The following CHD8 variants were observed in gnomAD, a reference collection of about 807,000 sequenced individuals.
CHD8 encodes ATP-dependent chromatin remodeler CHD8.
CHD8 carries 31 observed loss-of-function variants against 279.2 expected under a neutral mutation model. The ratio of observed to expected loss-of-function variants is 0.11; its 90% CI spans 0.08 to 0.15. The LOEUF (loss-of-function observed/expected upper bound fraction) is 0.15. CHD8 is among the 10% of genes least tolerant of loss of function. CHD8 has a pLI of 1.00. For missense variants in CHD8, 2,146 were observed against 3,230.5 expected, an observed-to-expected ratio of 0.66 and a Z score of 8.14; for synonymous variants, 1,081 against 1,139.6, an observed-to-expected ratio of 0.95 and a Z score of 1.04.
In CHD8 at chr14:21,431,801, T is replaced by C. The variant is rs1594380614; in HGVS notation, c.-158A>G. 2.5e-6 allele frequency: 4 copies of C among 1,613,640 alleles called. No homozygotes were observed. The Middle Eastern group carries it at 4.9e-4, about 200-fold the overall frequency. ...AGGCAAGAAACAAGTGCATGTCAGATTGTCCTGACCTTCATGGAGCAAGAT... is the reference window on the plus strand; with the variant it reads ...AGGCAAGAAACAAGTGCATGTCAGACTGTCCTGACCTTCATGGAGCAAGAT... On this transcript the variant is annotated 5_prime_UTR_variant, in exon 2 of 38. Transcript: ENST00000646647.
chr14:21,433,925 T>A (rs1044623926), intron 1 of CHD8, among the ~76,000 whole-genome samples: 3 of 152,104 alleles, frequency 2.0e-5, no homozygotes, highest in African/African-American at 7.2e-5. Context: ...CCCATTATCA[T>A]CAGCTTTTTT....
chr14:21,427,600 C>G, intron 4 of CHD8: 2 of 1,442,504 alleles, frequency 1.4e-6, no homozygotes, highest in South Asian at 3.3e-5. Context: ...GGAGCACTCA[C>G]TTGAGCTTGC....
At chr14:21,386,680 G>T (rs1003485051) in intron 37 of CHD8, among the ~76,000 whole-genome samples, 9 of 152,130 alleles carry the variant, frequency 5.9e-5, no homozygotes, top group Middle Eastern at 3.4e-3. Flanking sequence ...TACTAAAAAT[G>T]CAAAAAATTA....
intron 28 of CHD8, 192 bp downstream of exon 28, chr14:21,395,625 T>A: frequency 1.7e-6 from 1 of 598,550 alleles, no homozygotes; most frequent in Non-Finnish European, 3.0e-6. Context: ...AGCTCCTCCA[T>A]AAAGTTATCC....
At chr14:21,395,391 G>C (rs772082544) in intron 28 of CHD8, 39 bp from the exon 29 acceptor site, 1 of 1,431,552 alleles carries the variant, frequency 7.0e-7, no homozygotes, top group Non-Finnish European at 9.7e-7. Context: ...GGAGCGGGGA[G>C]GGAAAGGGGG....
chr14:21,428,526 C>T (rs888638236), intron 3 of CHD8, among the ~76,000 whole-genome samples: 2 of 152,114 alleles, frequency 1.3e-5, no homozygotes, highest in African/African-American at 2.4e-5. Context: ...AGAAAAATTA[C>T]AACTAATATA....
At chr14:21,388,627 TAC>T (rs1887386891) in intron 37 of CHD8, among the ~76,000 whole-genome samples, 2 of 152,096 alleles carry the variant, frequency 1.3e-5, no homozygotes, top group Non-Finnish European at 2.9e-5. Context: ...ACATAGCTGA[TAC>T]TAGAGGACTG....
chr14:21,414,886 T>G (rs1159251185), intron 8 of CHD8, 52 bp downstream of exon 8: 2 of 1,455,842 alleles, frequency 1.4e-6, no homozygotes. Context: ...AGGAGAACTT[T>G]TTACCACCCT....
At position 21,394,129 on chromosome 14, in the gene CHD8, C is replaced by T. The variant is rs777867742; in HGVS notation, c.5666G>A (p.Arg1889His). Residue 1889 changes from arginine to histidine, a missense_variant, in exon 32 of 38, where the codon CGT becomes CAT. Arg to His is a conservative substitution (Grantham distance 29). Around this residue, in one of 26 missense-constraint regions of CHD8, gnomAD observed 513 missense variants for 637.6 expected, o/e 0.80. Transcript: ENST00000646647. ...TEERASRTLY[R>H]IELLRRLREQ... Reference sequence around the variant, plus strand: ...CCGTAAGCGCCGAAGCAATTCTATACGGTAGAGAGTCCGTGAGGCTCTCTC... The same window carrying T: ...CCGTAAGCGCCGAAGCAATTCTATATGGTAGAGAGTCCGTGAGGCTCTCTC... The T allele has an allele frequency of 3.0e-5, 48 of 1,612,148 alleles. No individual in the cohort carries two copies. Among genetic ancestry groups the T allele is most frequent in the Middle Eastern group, 1.6e-4 (1 of 6,080 alleles).
At position 21,403,892 on chromosome 14, in the gene CHD8, A is replaced by G. The variant is rs2139470946; in HGVS notation, c.3308-229T>C. ...GGCAGGTGGATCACTTGAGGTCAGG[A>G]GTTCGAGACCAGTCTGGCCAACATG... On this transcript the variant is annotated intron_variant, in intron 16 of 37. Transcript: ENST00000646647. This position sits in a 1 kb window ranked among gnomAD's most constrained non-coding sequence, Gnocchi z 4.3. Among the ~76,000 whole-genome samples, 1 of 152,314 alleles carries G rather than the reference A, an allele frequency of 6.6e-6. No individual in the cohort carries two copies. The highest frequency in any genetic ancestry group is 1.5e-5 in the Non-Finnish European group (1 of 68,030).
chr14:21,429,479 C>G, intron 2 of CHD8, 144 bp from the exon 3 acceptor site: 2 of 880,732 alleles, frequency 2.3e-6, no homozygotes, highest in Non-Finnish European at 3.8e-6. Context: ...ATCATCCTAT[C>G]TGTCTTGATG....
chr14:21,405,538 G>T lies in CHD8; in HGVS notation c.3052-74C>A, dbSNP rs1314881449. ...CATTCTCACATTATGTAGAAACATG[G>T]AAAAATTAGAGTTTTCCACTATCTA... is the stretch of plus-strand genomic sequence containing the variant. On this transcript the variant is annotated intron_variant, in intron 15 of 37. Transcript: ENST00000646647. The surrounding 1 kb of genome is among the most constrained non-coding windows in gnomAD (Gnocchi z 4.2). 6.5e-7 allele frequency: 1 copy of T among 1,542,170 alleles called. No individual in the cohort carries two copies. The highest frequency in any genetic ancestry group is 8.7e-7 in the Non-Finnish European group (1 of 1,144,878).
chr14:21,400,159 C>T lies in CHD8; in HGVS notation c.4719G>A (p.Gln1573=), dbSNP rs766569419. The part of the protein sequence containing the change: ...DESYKKHLKH[Q]CNKVLLRVRM... ...GCTAATTCTATGCTTACTTGTTACA[C>T]TGATGTTTCAAGTGCTTCTTATAAC... The change falls in exon 24 of 38, where the codon CAG becomes CAA. Residue 1573 remains glutamine (Q), a synonymous_variant. Transcript: ENST00000646647. This position sits in a 1 kb window ranked among gnomAD's most constrained non-coding sequence, Gnocchi z 4.2. 1 of 1,613,890 alleles carries T rather than the reference C, an allele frequency of 6.2e-7. No individual in the cohort carries two copies. The highest frequency in any genetic ancestry group is 1.1e-5 in the South Asian group (1 of 91,088).
In CHD8 at chr14:21,436,885, G is replaced by A. The variant is rs975217632; in HGVS notation, c.-215-5027C>T. On this transcript the variant is annotated intron_variant, in intron 1 of 37. Coordinates refer to ENST00000646647, the MANE Select transcript of CHD8 (RefSeq NM_001170629.2). Reference sequence around the variant, plus strand: ...ACGCGACTGGGGTGGGGGTGGGGGGGACCCGGGTACATTACCTGCTCATAC... The same window carrying A: ...ACGCGACTGGGGTGGGGGTGGGGGGAACCCGGGTACATTACCTGCTCATAC... 4 of 997,930 alleles carry A rather than the reference G, an allele frequency of 4.0e-6. No individual in the cohort carries two copies. In the African/African-American group the frequency reaches 5.3e-5, roughly 13 times the overall value. 61.8% of individuals were successfully genotyped at this position (997,930 alleles called of 1,614,324 possible).
At chr14:21,432,651 G>A (rs975007114) in intron 1 of CHD8, among the ~76,000 whole-genome samples, 1 of 152,026 alleles carries the variant, frequency 6.6e-6, no homozygotes, top group African/African-American at 2.4e-5. Flanking sequence ...TGTGCTTTCT[G>A]CCTGGAACAC....
Position 21,407,003 on chromosome 14 carries a change from A to G in CHD8, c.2760T>C (p.Phe920=). 6.3e-7 allele frequency: 1 copy of G among 1,596,080 alleles called. No homozygotes were observed. Among genetic ancestry groups the G allele is most frequent in the Non-Finnish European group, 8.5e-7 (1 of 1,170,728 alleles). ...RGRLIPGAYK[F]DALITTFEMI... ...TCTCAAAAGTGGTGATCAGAGCGTC[A>G]AACTTGTATGCGCCTGGGATGAGGC... The change falls in exon 14 of 38, where the codon TTT becomes TTC. Residue 920 remains phenylalanine (F), a synonymous_variant. Coordinates refer to ENST00000646647, the MANE Select transcript of CHD8 (RefSeq NM_001170629.2).
At chr14:21,406,472 C>T (rs1337436152) in intron 14 of CHD8, among the ~76,000 whole-genome samples, 1 of 152,196 alleles carries the variant, frequency 6.6e-6, no homozygotes, top group Non-Finnish European at 1.5e-5. Context: ...TAAAAACCAG[C>T]ATCAACTGCC....
Position 21,401,974 on chromosome 14 carries a change from C to T in CHD8, c.4045G>A (p.Gly1349Ser). 1 of 1,612,820 alleles carries T rather than the reference C, an allele frequency of 6.2e-7. No homozygotes were observed. The highest frequency in any genetic ancestry group is 8.5e-7 in the Non-Finnish European group (1 of 1,179,636). The part of the protein sequence containing the change: ...TTITIESEGK[G>S]STFAKASFVA... The stretch of plus-strand genomic sequence containing the variant: ...GAACATGCCTTAGCAAAGGTGGAAC[C>T]TTTTCCTTCAGATTCAATGGTGATG... The change falls in exon 20 of 38, where the codon GGT becomes AGT. Residue 1349 changes from glycine to serine, a missense_variant. Physicochemically the swap from Gly to Ser is moderately conservative, Grantham distance 56. Around this residue, in one of 26 missense-constraint regions of CHD8, gnomAD observed 14 missense variants for 40.7 expected, o/e 0.34. Coordinates refer to ENST00000646647, the MANE Select transcript of CHD8 (RefSeq NM_001170629.2).
chr14:21,405,277 T>C lies in CHD8; in HGVS notation c.3239A>G (p.Asn1080Ser), dbSNP rs757725026. ...CATTGTGTTAAGTAGATTAGGCATG[T>C]TGGTATGACCTGCCCCTTTGGAAAG... Reference protein sequence around the residue: ...SFLSKGAGHTNMPNLLNTMME... With the variant: ...SFLSKGAGHTSMPNLLNTMME... The change falls in exon 16 of 38, where the codon AAC (asparagine) becomes AGC (serine). Residue 1080 changes from asparagine to serine, a missense_variant. Physicochemically the swap from Asn to Ser is conservative, Grantham distance 46. Transcript: ENST00000646647. This position sits in a 1 kb window ranked among gnomAD's most constrained non-coding sequence, Gnocchi z 4.2. 6.2e-7 allele frequency: 1 copy of C among 1,613,326 alleles called. No homozygotes were observed. The highest frequency in any genetic ancestry group is 1.7e-5 in the Admixed American group (1 of 59,926).
Sources: gnomAD v4.1 joint callset for allele counts (sites outside exome capture counted in the v4.1 genomes callset) on GRCh38, gnomAD v4.1.1 for gene constraint, gnomAD v4.1.1 regional missense constraint, Gnocchi (gnomAD v3.1) non-coding constraint, MANE v1.5 for transcripts, NCBI Gene and HGNC (gene_info 2026-07-23, HGNC 2026-07-21) for gene names.